The following CSMD1 variants were observed in gnomAD, a reference collection of about 807,000 sequenced individuals.
CSMD1 encodes CUB and Sushi multiple domains 1, also known as CUB and sushi domain-containing protein 1.
A neutral mutation model predicts 417.5 loss-of-function variants in CSMD1; 213 were observed. The ratio of observed to expected loss-of-function variants is 0.51; its 90% CI spans 0.46 to 0.57. The LOEUF (loss-of-function observed/expected upper bound fraction) is 0.57, where lower values mean the gene tolerates loss of function less well. Ranked by LOEUF, CSMD1 falls within the 20% of genes least tolerant of loss-of-function variation. The probability of loss-of-function intolerance (pLI) is 0.00; values close to 1 mark genes in which losing one functional copy is unlikely to be tolerated. For synonymous variants in CSMD1, 2,862 were observed against 1,736.8 expected, an observed-to-expected ratio of 1.65 and a Z score of -16.11; for missense variants, 6,923 against 4,529.7, an observed-to-expected ratio of 1.53 and a Z score of -15.17.
chr8:4,092,788 A>G (rs755242408), intron 3 of CSMD1, among the ~76,000 whole-genome samples: 1 of 152,136 alleles, frequency 6.6e-6, no homozygotes, highest in South Asian at 2.1e-4. Flanking sequence ...TATTTCATGA[A>G]ATCTATTTTT....
chr8:3,532,245 G>A (rs766218200), intron 10 of CSMD1, among the ~76,000 whole-genome samples: 2 of 152,142 alleles, frequency 1.3e-5, no homozygotes, highest in African/African-American at 4.8e-5. Context: ...AGAACTCTAG[G>A]TGTCAAGCCA....
chr8:3,270,552 TA>T, intron 26 of CSMD1, among the ~76,000 whole-genome samples: 1 of 152,272 alleles, frequency 6.6e-6, no homozygotes, highest in African/African-American at 2.4e-5. Context: ...TGATCAAGAG[TA>T]AAAGAACTTT....
At chr8:3,415,875 T>A (rs1056538986) in intron 12 of CSMD1, among the ~76,000 whole-genome samples, 20 of 152,214 alleles carry the variant, frequency 1.3e-4, no homozygotes, top group African/African-American at 2.4e-5. Flanking sequence ...TCCCCAAGTT[T>A]TCATGAGAAT....
chr8:3,190,086 T>G lies in CSMD1; in HGVS notation c.5224A>C (p.Ser1742Arg). The change falls in exon 34 of 70, where the codon AGC (serine) becomes CGC (arginine). Residue 1742 changes from serine to arginine, a missense_variant. Transcript: ENST00000635120. The stretch of plus-strand genomic sequence containing the variant: ...CCGTATCTGGGCTCGGGGACAGAGC[T>G]GCATTGGGTGTCACTGGTACGAGGA... ...AVPRTSDTQC[S>R]SVPEPRYGRR... 3 of 1,593,156 alleles carry G rather than the reference T, an allele frequency of 1.9e-6. No individual in the cohort carries two copies. Among genetic ancestry groups the G allele is most frequent in the African/African-American group, 2.7e-5 (2 of 74,638 alleles).
chr8:4,614,310 T>C (rs1325939419), intron 2 of CSMD1, among the ~76,000 whole-genome samples: 1 of 152,186 alleles, frequency 6.6e-6, no homozygotes, highest in Non-Finnish European at 1.5e-5. Context: ...GCCAAAACTC[T>C]GTAGAAAATC....
intron 3 of CSMD1, among the ~76,000 whole-genome samples, chr8:4,357,282 C>T (rs1482936411): frequency 6.6e-6 from 1 of 152,200 alleles, no homozygotes; most frequent in Non-Finnish European, 1.5e-5. Flanking sequence ...TTATAGATCT[C>T]ATCTGGCCAT....
chr8:3,341,122 T>C (rs1415482189), intron 23 of CSMD1, among the ~76,000 whole-genome samples: 2 of 152,022 alleles, frequency 1.3e-5, no homozygotes, highest in South Asian at 2.1e-4. Context: ...CGGGGAGCAA[T>C]AGAGTCACAG....
intron 1 of CSMD1, among the ~76,000 whole-genome samples, chr8:4,942,991 C>G (rs572898304): frequency 6.6e-6 from 1 of 152,082 alleles, no homozygotes; most frequent in African/African-American, 2.4e-5. Flanking sequence ...GAAAGTCAGG[C>G]GCTCTCAGGA....
At chr8:4,949,622 C>T (rs889909971) in intron 1 of CSMD1, among the ~76,000 whole-genome samples, 2 of 152,094 alleles carry the variant, frequency 1.3e-5, no homozygotes, top group African/African-American at 2.4e-5. Flanking sequence ...CTTCCACATC[C>T]CCAACCAAGA....
chr8:3,946,503 A>G (rs62481636), intron 5 of CSMD1, among the ~76,000 whole-genome samples: 14,827 of 152,148 alleles, frequency 0.097, 971 homozygotes, highest in South Asian at 0.18. Flanking sequence ...CATATTGACT[A>G]TTCTAGGCCC....
intron 7 of CSMD1, among the ~76,000 whole-genome samples, chr8:3,642,756 A>C (rs973131189): frequency 9.9e-5 from 15 of 152,156 alleles, no homozygotes; most frequent in African/African-American, 3.6e-4. Context: ...AGTATGGAAC[A>C]AGAAGGCAAT....
At chr8:4,879,627 T>C (rs1803269774) in intron 1 of CSMD1, among the ~76,000 whole-genome samples, 1 of 151,958 alleles carries the variant, frequency 6.6e-6, no homozygotes. Context: ...TCAACAACAG[T>C]TAAAGAGCCA....
chr8:4,881,563 G>T (rs147709987), intron 1 of CSMD1, among the ~76,000 whole-genome samples: 7 of 141,260 alleles, frequency 5.0e-5, no homozygotes, highest in African/African-American at 2.7e-5. Flanking sequence ...TCTCATTTAC[G>T]CCTCAATATA....
Position 4,174,786 on chromosome 8 carries a change from C to G in CSMD1, c.416-142687G>C, listed in dbSNP as rs2552097. Among the ~76,000 whole-genome samples, 4 of 10,374 alleles carry G rather than the reference C, an allele frequency of 3.9e-4. 1 individual carries two copies. The highest frequency in any genetic ancestry group is 4.0e-4 in the Non-Finnish European group (2 of 5,010). 6.8% of individuals were successfully genotyped at this position (10,374 alleles called of 152,430 possible). ...GGGGAGGGGAGGGAGAGAGACAGAC[C>G]GACACAGATTGTGAGAGATTCAGAT... On this transcript the variant is annotated intron_variant, in intron 3 of 69. Coordinates refer to ENST00000635120, the MANE Select transcript of CSMD1 (RefSeq NM_033225.6).
rs570792341 is a variant in CSMD1 at position 3,914,142 on chromosome 8, T to C, written c.818+83761A>G. Among the ~76,000 whole-genome samples the C allele has an allele frequency of 1.1e-3, 169 of 152,182 alleles. 2 individuals are homozygous for C. The highest frequency in any genetic ancestry group is 1.2e-3 in the African/African-American group (48 of 41,518). ...AGAATTTTATATGAATAGAGTATGA[T>C]GAGAAAAATAATTCAGTCAGAGAAA... On this transcript the variant is annotated intron_variant, in intron 5 of 69. Transcript: ENST00000635120.
At chr8:3,580,559 T>C (rs1480095747) in intron 9 of CSMD1, among the ~76,000 whole-genome samples, 1 of 152,182 alleles carries the variant, frequency 6.6e-6, no homozygotes, top group African/African-American at 2.4e-5. Flanking sequence ...CAAAACTATA[T>C]TATTGCCAAT....
intron 2 of CSMD1, among the ~76,000 whole-genome samples, chr8:4,584,873 A>G (rs1012088071): frequency 1.2e-4 from 18 of 152,146 alleles, no homozygotes; most frequent in Non-Finnish European, 2.9e-5. Flanking sequence ...AGATTGGATC[A>G]ACTGTGGATT....
intron 3 of CSMD1, among the ~76,000 whole-genome samples, chr8:4,368,726 T>TCCTA (rs1259828862): frequency 6.6e-6 from 1 of 152,160 alleles, no homozygotes; most frequent in Non-Finnish European, 1.5e-5. Flanking sequence ...TTATCTAGTC[T>TCCTA]CCTAGGTTTT....
intron 8 of CSMD1, among the ~76,000 whole-genome samples, chr8:3,603,921 G>C (rs1279449510): frequency 6.6e-6 from 1 of 152,174 alleles, no homozygotes; most frequent in African/African-American, 2.4e-5. Flanking sequence ...ATGATGCAAA[G>C]AAACAGCAGC....
Sources: allele counts gnomAD v4.1 joint callset (sites outside exome capture counted in the v4.1 genomes callset), GRCh38; gene constraint gnomAD v4.1.1; transcripts MANE v1.5; gene names NCBI Gene and HGNC (gene_info 2026-07-23, HGNC 2026-07-21).